The following STYXL2 variants were observed in gnomAD, a reference collection of about 807,000 sequenced individuals.
STYXL2 encodes the protein serine/threonine/tyrosine interacting like 2, also known as serine/threonine/tyrosine-interacting-like protein 2.
STYXL2 carries 44 observed loss-of-function variants against 52.4 expected under a neutral mutation model. The ratio of observed to expected loss-of-function variants is 0.84; its 90% confidence interval spans 0.66 to 1.08. The LOEUF (loss-of-function observed/expected upper bound fraction) is 1.08. STYXL2 is among the 50% of genes least tolerant of loss of function. STYXL2 has a pLI of 0.00. For missense variants in STYXL2, 1,604 were observed against 1,471.7 expected, an observed-to-expected ratio of 1.09 and a Z score of -1.47; for synonymous variants, 604 against 586.9, an observed-to-expected ratio of 1.03 and a Z score of -0.42.
chr1:167,106,286 T>C (rs951944678), intron 2 of STYXL2, among the ~76,000 whole-genome samples: 1 of 152,148 alleles, frequency 6.6e-6, no homozygotes, highest in African/African-American at 2.4e-5. Flanking sequence ...ACCTGACAGG[T>C]AAGGGCGCCT....
intron 2 of STYXL2, among the ~76,000 whole-genome samples, chr1:167,096,290 T>A (rs929393134): frequency 6.6e-6 from 1 of 152,012 alleles, no homozygotes; most frequent in Non-Finnish European, 1.5e-5. Context: ...AGCATTATGG[T>A]CCCACTTAGG....
Position 167,122,041 on chromosome 1 carries a change from T to C in STYXL2, c.655+2575T>C, listed in dbSNP as rs1019419874. Among the ~76,000 whole-genome samples, 8 of 152,254 alleles carry C rather than the reference T, an allele frequency of 5.3e-5. No individual in the cohort carries two copies. The South Asian group carries it at 8.3e-4, about 16-fold the overall frequency. On this transcript the variant is annotated intron_variant, in intron 5 of 5. Transcript: ENST00000361200. ...AAAGAAACACCTGGCGCCGGCGTTT[T>C]ACATGATAATCACAAAGAGCCTATG...
intron 3 of STYXL2, among the ~76,000 whole-genome samples, chr1:167,116,398 C>A (rs757564630): frequency 6.6e-5 from 10 of 152,112 alleles, no homozygotes; most frequent in Admixed American, 1.3e-4. Context: ...ACCTTTGCCA[C>A]CTGTCTGTGG....
At chr1:167,122,069 G>C (rs926954716) in intron 5 of STYXL2, among the ~76,000 whole-genome samples, 1 of 152,192 alleles carries the variant, frequency 6.6e-6, no homozygotes, top group East Asian at 1.9e-4. Flanking sequence ...AGCCTATGAG[G>C]GGGTGTTGTT....
rs769487453 is a variant in STYXL2 at position 167,127,087 on chromosome 1, G to A, written c.1956G>A (p.Thr652=). The A allele has an allele frequency of 5.6e-5, 90 of 1,613,442 alleles. No homozygotes were observed. The highest frequency in any genetic ancestry group is 6.8e-5 in the Non-Finnish European group (80 of 1,179,692). ...SMASWEADSS[T]ASGSIPLSAF... is the part of the protein sequence containing the mutation. ...CAAGCTGGGAGGCGGACAGCTCCAC[G>A]GCCAGCGGGAGCATTCCCCTGTCTG... Residue 652 remains threonine (T), a synonymous_variant, in exon 6 of 6, where the codon ACG becomes ACA. Coordinates refer to ENST00000361200, the MANE Select transcript of STYXL2 (RefSeq NM_001080426.3).
At chr1:167,115,843 G>A (rs1363090473) in intron 3 of STYXL2, among the ~76,000 whole-genome samples, 4 of 152,148 alleles carry the variant, frequency 2.6e-5, no homozygotes, top group African/African-American at 9.7e-5. Flanking sequence ...CAGGGATGTG[G>A]GGGTCCCTCA....
At position 167,117,489 on chromosome 1, in the gene STYXL2, G is replaced by C. The variant is rs1276546468; in HGVS notation, c.367G>C (p.Val123Leu). 1.2e-6 allele frequency: 2 copies of C among 1,611,940 alleles called. No homozygotes were observed. ...PCVLDLQRALVQDRQEAPWNE... is the reference protein window; with the variant it reads ...PCVLDLQRALLQDRQEAPWNE... ...TGTCCTGGACCTACAGCGGGCCCTG[G>C]TTCAGGATCGCCAAGAGGCGCCCTG... The change falls in exon 4 of 6, where the codon GTT becomes CTT. Residue 123 changes from valine to leucine, a missense_variant. Coordinates refer to ENST00000361200, the MANE Select transcript of STYXL2 (RefSeq NM_001080426.3).
chr1:167,126,537 A>T lies in STYXL2; in HGVS notation c.1406A>T (p.Asp469Val), dbSNP rs1209220377. The T allele has an allele frequency of 1.2e-6, 2 of 1,613,538 alleles. No individual in the cohort carries two copies. Among genetic ancestry groups the T allele is most frequent in the East Asian group, 2.2e-5 (1 of 44,822 alleles). The change falls in exon 6 of 6, where the codon GAC becomes GTC. Residue 469 changes from aspartate (D) to valine (V), a missense_variant. Physicochemically the swap from Asp to Val is radical, Grantham distance 152. Transcript: ENST00000361200. Reference protein sequence around the residue: ...RPDHGRRRRADSMSSESTWDA... With the variant: ...RPDHGRRRRAVSMSSESTWDA... The stretch of plus-strand genomic sequence containing the variant: ...GACCACGGCAGGAGGCGCCGCGCAG[A>T]CTCGATGTCCTCGGAGAGCACCTGG...
At chr1:167,123,278 C>G (rs1165013980) in intron 5 of STYXL2, among the ~76,000 whole-genome samples, 1 of 152,248 alleles carries the variant, frequency 6.6e-6, no homozygotes, top group Non-Finnish European at 1.5e-5. Context: ...TCTTGTCCCT[C>G]TGGCTGCCCT....
At chr1:167,119,047 T>C (rs1667790788) in intron 4 of STYXL2, among the ~76,000 whole-genome samples, 1 of 152,244 alleles carries the variant, frequency 6.6e-6, no homozygotes, top group Non-Finnish European at 1.5e-5. Context: ...CCTAACTGCA[T>C]GTCTTTTCTC....
intron 4 of STYXL2, 85 bp from the exon 5 acceptor site, chr1:167,119,164 C>A: frequency 7.6e-7 from 1 of 1,318,914 alleles, no homozygotes; most frequent in Non-Finnish European, 1.1e-6. Flanking sequence ...TGGCCCTAGA[C>A]TGGCTGAGGC....
At chr1:167,115,736 C>T (rs1442517787) in intron 3 of STYXL2, among the ~76,000 whole-genome samples, 1 of 152,130 alleles carries the variant, frequency 6.6e-6, no homozygotes, top group African/African-American at 2.4e-5. Flanking sequence ...AACACTTCAT[C>T]TATTTTTAAA....
chr1:167,109,814 G>A (rs922914325), intron 2 of STYXL2, among the ~76,000 whole-genome samples: 2 of 152,176 alleles, frequency 1.3e-5, no homozygotes, highest in South Asian at 2.1e-4. Context: ...CTCTAAGAAA[G>A]GAGAAAACAA....
intron 2 of STYXL2, among the ~76,000 whole-genome samples, chr1:167,100,273 A>G (rs1667374596): frequency 6.6e-6 from 1 of 152,200 alleles, no homozygotes; most frequent in African/African-American, 2.4e-5. Context: ...TTAACAACCT[A>G]ATCACCTCTT....
At position 167,127,396 on chromosome 1, in the gene STYXL2, G is replaced by A; in HGVS notation, c.2265G>A (p.Lys755=). 2 of 1,614,174 alleles carry A rather than the reference G, an allele frequency of 1.2e-6. No homozygotes were observed. Among genetic ancestry groups the A allele is most frequent in the Non-Finnish European group, 1.7e-6 (2 of 1,180,044 alleles). ...GCTCACCGTCTGTTGCAAGCATGAA[G>A]GCAGTACCAGCGGCTAGCTGCCTGG... ...LSRSPSVASM[K]AVPAASCLGD... is the part of the protein sequence containing the mutation. The change falls in exon 6 of 6, where the codon AAG becomes AAA. Residue 755 remains lysine, a synonymous_variant. Coordinates refer to ENST00000361200, the MANE Select transcript of STYXL2 (RefSeq NM_001080426.3).
rs776645377 is a variant in STYXL2, at chr1:167,128,370, C to A, written c.3239C>A (p.Ser1080Tyr). 2.5e-5 allele frequency: 40 copies of A among 1,613,990 alleles called. 1 individual carries two copies. In the Admixed American group the frequency reaches 6.7e-4, roughly 27 times the overall value. Reference protein sequence around the residue: ...DVEESSKSDFSEFGAKRKFTQ... With the variant: ...DVEESSKSDFYEFGAKRKFTQ... ...GAAGAGTCATCCAAGTCAGACTTCT[C>A]TGAATTTGGAGCCAAGAGGAAGTTC... The change falls in exon 6 of 6, where the codon TCT becomes TAT. Residue 1080 changes from serine to tyrosine, a missense_variant. Coordinates refer to ENST00000361200, the MANE Select transcript of STYXL2 (RefSeq NM_001080426.3).
chr1:167,099,581 A>C (rs1338241715), intron 2 of STYXL2, among the ~76,000 whole-genome samples: 3 of 152,242 alleles, frequency 2.0e-5, no homozygotes, highest in African/African-American at 7.2e-5. Flanking sequence ...ATTCAATACT[A>C]CTACATACTC....
intron 2 of STYXL2, among the ~76,000 whole-genome samples, chr1:167,101,800 C>CAAAAA (rs35645209): frequency 3.5e-5 from 5 of 141,092 alleles, no homozygotes; most frequent in African/African-American, 5.3e-5. Context: ...CAGTCCATCT[C>CAAAAA]AAAAAAGAAA....
intron 4 of STYXL2, 34 bp from the exon 5 acceptor site, chr1:167,119,215 A>G (rs758764611): frequency 6.2e-6 from 10 of 1,604,702 alleles, no homozygotes; most frequent in Non-Finnish European, 7.7e-6. Context: ...TCTAGTTCCG[A>G]CTCTTGCAAA....
Sources: gnomAD v4.1 joint callset for allele counts (sites outside exome capture counted in the v4.1 genomes callset) on GRCh38, gnomAD v4.1.1 for gene constraint, MANE v1.5 for transcripts, NCBI Gene and HGNC (gene_info 2026-07-23, HGNC 2026-07-21) for gene names.